The following SDK1 variants were observed in gnomAD, a reference collection of about 807,000 sequenced individuals.
SDK1 encodes the protein sidekick cell adhesion molecule 1.
In SDK1, 157 loss-of-function variants were observed where a neutral mutation model predicts 245.5. The ratio of observed to expected loss-of-function variants is 0.64; its 90% CI spans 0.56 to 0.73. The LOEUF is 0.73. Ranked by LOEUF, SDK1 falls within the 30% of genes least tolerant of loss-of-function variation. SDK1 has a pLI of 0.00. For synonymous variants in SDK1, 1,647 were observed against 1,278.5 expected, an observed-to-expected ratio of 1.29 and a Z score of -6.15; for missense variants, 3,583 against 3,002.3, an observed-to-expected ratio of 1.19 and a Z score of -4.52.
rs187391544 is a variant in SDK1 at position 3,894,862 on chromosome 7, T to G, written c.848-56061T>G. On this transcript the variant is annotated intron_variant, in intron 5 of 44. Coordinates refer to ENST00000404826, the MANE Select transcript of SDK1 (RefSeq NM_152744.4). ...CGTGCCACCATGCCTGGCTAATTTT[T>G]TGTGTCTTTTAGTAGAGAAGGGGTT... Among the ~76,000 whole-genome samples the G allele has an allele frequency of 4.4e-3, 672 of 151,950 alleles. 7 individuals carry two copies. Among genetic ancestry groups the G allele is most frequent in the African/African-American group, 0.015 (632 of 41,434 alleles).
intron 1 of SDK1, among the ~76,000 whole-genome samples, chr7:3,512,212 G>C (rs781586078): frequency 6.6e-6 from 1 of 151,932 alleles, no homozygotes; most frequent in African/African-American, 2.4e-5. Context: ...GGATCATACA[G>C]AATATAGACT....
chr7:3,480,821 C>T (rs567781114), intron 1 of SDK1, among the ~76,000 whole-genome samples: 23 of 152,196 alleles, frequency 1.5e-4, no homozygotes, highest in Non-Finnish European at 3.1e-4. Flanking sequence ...ATGGATTCAT[C>T]TCTAGAGCTT....
chr7:3,481,288 A>T (rs1781513321), intron 1 of SDK1, among the ~76,000 whole-genome samples: 1 of 152,210 alleles, frequency 6.6e-6, no homozygotes, highest in African/African-American at 2.4e-5. Flanking sequence ...TCACACAATT[A>T]GTGTGTGGCA....
At position 4,017,327 on chromosome 7, in the gene SDK1, A is replaced by G. The variant is rs201072680; in HGVS notation, c.2577A>G (p.Ala859=). ...NGAGLGVFSR[A]VTEYTLQGVP... The stretch of plus-strand genomic sequence containing the variant: ...CCGGTCTGGGCGTCTTCAGCAGGGC[A>G]GTGACCGAGTACACCTTGCAGGGAG... Residue 859 remains alanine, a synonymous_variant, in exon 17 of 45, where the codon GCA becomes GCG. Transcript: ENST00000404826. 89 of 1,613,306 alleles carry G rather than the reference A, an allele frequency of 5.5e-5. No individual in the cohort carries two copies. In the Admixed American group the frequency reaches 1.4e-3, roughly 26 times the overall value.
intron 43 of SDK1, among the ~76,000 whole-genome samples, chr7:4,244,748 G>A (rs1450683573): frequency 6.6e-6 from 1 of 152,160 alleles, no homozygotes; most frequent in Non-Finnish European, 1.5e-5. Context: ...AGGCTCAACT[G>A]GGCAAGAATC....
At chr7:3,721,984 C>G (rs796248568) in intron 4 of SDK1, among the ~76,000 whole-genome samples, 4 of 152,270 alleles carry the variant, frequency 2.6e-5, no homozygotes, top group Admixed American at 6.5e-5. Flanking sequence ...ATCACCCAGT[C>G]TGGAAGGCAG....
chr7:3,969,772 A>C (rs898150633), intron 11 of SDK1, among the ~76,000 whole-genome samples: 1 of 152,230 alleles, frequency 6.6e-6, no homozygotes, highest in African/African-American at 2.4e-5. Context: ...TTAAAATCCT[A>C]AAGAAGTAAT....
At chr7:3,753,929 A>C (rs1779846294) in intron 4 of SDK1, among the ~76,000 whole-genome samples, 1 of 152,214 alleles carries the variant, frequency 6.6e-6, no homozygotes, top group Non-Finnish European at 1.5e-5. Flanking sequence ...ATTTTGAAGG[A>C]AAGTAGAATG....
chr7:4,045,207 G>A (rs185682783), intron 17 of SDK1, among the ~76,000 whole-genome samples: 1 of 152,106 alleles, frequency 6.6e-6, no homozygotes, highest in Admixed American at 6.5e-5. Flanking sequence ...AGTTTGGGGT[G>A]ATTATTAAAG....
At chr7:3,429,951 G>A (rs532447578) in intron 1 of SDK1, among the ~76,000 whole-genome samples, 2 of 152,276 alleles carry the variant, frequency 1.3e-5, no homozygotes, top group Admixed American at 6.5e-5. Flanking sequence ...AAGCCTATCC[G>A]TATGTGTCTC....
intron 16 of SDK1, among the ~76,000 whole-genome samples, chr7:4,013,715 C>A (rs1307822464): frequency 6.6e-6 from 1 of 152,242 alleles, no homozygotes; most frequent in South Asian, 2.1e-4. Context: ...CGTCGGGATT[C>A]TCTTCTAAAT....
intron 16 of SDK1, among the ~76,000 whole-genome samples, chr7:4,016,657 T>G (rs373344347): frequency 2.6e-4 from 40 of 152,330 alleles, no homozygotes; most frequent in African/African-American, 8.2e-4. Context: ...GACTAGTATT[T>G]TAGAAATTTC....
chr7:3,457,605 C>A (rs1271271745), intron 1 of SDK1, among the ~76,000 whole-genome samples: 1 of 152,182 alleles, frequency 6.6e-6, no homozygotes, highest in Non-Finnish European at 1.5e-5. Context: ...TTATGATTAG[C>A]TCATCTCTAA....
At chr7:3,508,760 A>G (rs1782478981) in intron 1 of SDK1, among the ~76,000 whole-genome samples, 1 of 152,174 alleles carries the variant, frequency 6.6e-6, no homozygotes, top group African/African-American at 2.4e-5. Flanking sequence ...CTTGTAGTGC[A>G]TTGGCATTGC....
At chr7:4,015,936 A>G (rs1786363162) in intron 16 of SDK1, among the ~76,000 whole-genome samples, 1 of 152,244 alleles carries the variant, frequency 6.6e-6, no homozygotes, top group African/African-American at 2.4e-5. Context: ...ATTTTTGTGA[A>G]GAACCTTGTG....
At chr7:4,092,315 CT>C (rs1781859049) in intron 22 of SDK1, among the ~76,000 whole-genome samples, 1 of 152,198 alleles carries the variant, frequency 6.6e-6, no homozygotes, top group African/African-American at 2.4e-5. Context: ...CGCCTACCCC[CT>C]GTCCCGTGGT....
intron 37 of SDK1, among the ~76,000 whole-genome samples, chr7:4,209,630 G>T (rs1193091794): frequency 4.6e-5 from 7 of 152,026 alleles, no homozygotes; most frequent in African/African-American, 1.4e-4. Context: ...GTCAAGAGAG[G>T]CTTCATCCAT....
intron 5 of SDK1, among the ~76,000 whole-genome samples, chr7:3,823,571 A>G (rs1046521120): frequency 3.9e-5 from 6 of 152,202 alleles, no homozygotes; most frequent in Non-Finnish European, 8.8e-5. Flanking sequence ...GATAATTGGA[A>G]TATGTAAATT....
chr7:3,557,447 G>A (rs184309904), intron 1 of SDK1, among the ~76,000 whole-genome samples: 3 of 152,188 alleles, frequency 2.0e-5, no homozygotes, highest in Non-Finnish European at 4.4e-5. Context: ...TAGTGGCTAT[G>A]GTCACAAAAG....
Sources: allele counts gnomAD v4.1 joint callset (sites outside exome capture counted in the v4.1 genomes callset), GRCh38; gene constraint gnomAD v4.1.1; transcripts MANE v1.5; gene names NCBI Gene and HGNC (gene_info 2026-07-23, HGNC 2026-07-21).